DNAJC5: variants seen among roughly 807,000 people sequenced by gnomAD.
DNAJC5 encodes dnaJ homolog subfamily C member 5.
Under a neutral mutation model 23.2 loss-of-function variants are expected in DNAJC5, and 1 was observed. The ratio of observed to expected loss-of-function variants is 0.04; its 90% CI spans 0.02 to 0.20. DNAJC5 has a LOEUF of 0.20. Among genes scored for constraint, DNAJC5 ranks in the 10% least tolerant of loss-of-function variants. The pLI is 1.00. For synonymous variants in DNAJC5, 136 were observed against 120.0 expected, an observed-to-expected ratio of 1.13 and a Z score of -0.87; for missense variants, 180 against 267.0, an observed-to-expected ratio of 0.67 and a Z score of 2.27.
chr20:63,926,540 A>G (rs1019445990), intron 1 of DNAJC5, among the ~76,000 whole-genome samples: 21 of 152,360 alleles, frequency 1.4e-4, no homozygotes, highest in African/African-American at 4.8e-4. Flanking sequence ...CTCTTTCTAA[A>G]GGAGATTTGT....
chr20:63,907,030 C>G (rs1034280140), intron 1 of DNAJC5, among the ~76,000 whole-genome samples: 1 of 149,122 alleles, frequency 6.7e-6, no homozygotes, highest in African/African-American at 2.5e-5. Flanking sequence ...TCAAGGCTGC[C>G]GTGAGGTGTG....
intron 1 of DNAJC5, among the ~76,000 whole-genome samples, chr20:63,903,802 T>C (rs1013192779): frequency 1.3e-5 from 2 of 151,994 alleles, no homozygotes; most frequent in East Asian, 3.9e-4. Context: ...ATACAAAAAT[T>C]TGGGCAGGTG....
intron 1 of DNAJC5, among the ~76,000 whole-genome samples, chr20:63,925,654 C>T (rs937984538): frequency 3.7e-4 from 55 of 150,640 alleles, no homozygotes; most frequent in African/African-American, 1.3e-3. Context: ...TGGGTTTCAC[C>T]GGGAACCCGC....
chr20:63,931,443 G>T lies in DNAJC5; in HGVS notation c.494-22G>T. The T allele has an allele frequency of 6.5e-7, 1 of 1,539,624 alleles. No individual in the cohort carries two copies. The highest frequency in any genetic ancestry group is 8.7e-7 in the Non-Finnish European group (1 of 1,147,594). On this transcript the variant is annotated intron_variant, in intron 4 of 4. Coordinates refer to ENST00000360864, the MANE Select transcript of DNAJC5 (RefSeq NM_025219.3). This position sits in a 1 kb window ranked among gnomAD's most constrained non-coding sequence, Gnocchi z 9.6. ...CGCCAGGCTGTGGCCCTCGTGCAGTGCCCTGTGTGCTTGCTTTTCAGAGGC... is the reference window on the plus strand; with the variant it reads ...CGCCAGGCTGTGGCCCTCGTGCAGTTCCCTGTGTGCTTGCTTTTCAGAGGC...
chr20:63,933,551 C>T lies in DNAJC5; in HGVS notation c.*1983C>T, dbSNP rs2053692399. Reference sequence around the variant, plus strand: ...AATAATTTATCAAAATCAGACCTCTCCTAAAAGAATAAGAAATTCATTGTT... The same window carrying T: ...AATAATTTATCAAAATCAGACCTCTTCTAAAAGAATAAGAAATTCATTGTT... On this transcript the variant is annotated 3_prime_UTR_variant, in exon 5 of 5. Transcript: ENST00000360864. 6.6e-6 allele frequency: 1 copy of T among 152,316 alleles called. No individual in the cohort carries two copies. Among genetic ancestry groups the T allele is most frequent in the African/African-American group, 2.4e-5 (1 of 41,440 alleles). The allele number at this position is 152,316 out of a possible 1,614,324, so 9.4% of individuals were successfully genotyped here. A position where few individuals can be genotyped will look rare whatever the true frequency, so the allele number is the denominator to read the frequency against.
intron 1 of DNAJC5, among the ~76,000 whole-genome samples, chr20:63,916,317 GAAAT>G (rs1459273831): frequency 2.0e-5 from 3 of 152,192 alleles, no homozygotes; most frequent in African/African-American, 4.8e-5. Context: ...GGCCAGCTGA[GAAAT>G]AAAGAGAAAG....
intron 1 of DNAJC5, among the ~76,000 whole-genome samples, chr20:63,923,896 G>A (rs1187903791): frequency 6.6e-6 from 1 of 152,066 alleles, no homozygotes; most frequent in Non-Finnish European, 1.5e-5. Context: ...TTTTAAAAAT[G>A]GAGTTTTTTG....
At chr20:63,921,283 T>C (rs1193289790) in intron 1 of DNAJC5, among the ~76,000 whole-genome samples, 1 of 152,030 alleles carries the variant, frequency 6.6e-6, no homozygotes, top group East Asian at 1.9e-4. Context: ...TTAAAGATAA[T>C]GATGTCACTA....
chr20:63,905,022 C>T (rs1335181772), intron 1 of DNAJC5, among the ~76,000 whole-genome samples: 2 of 150,550 alleles, frequency 1.3e-5, no homozygotes, highest in African/African-American at 4.9e-5. Flanking sequence ...CCAGGCTGGT[C>T]TCGAACTCCT....
At position 63,929,701 on chromosome 20, in the gene DNAJC5, C is replaced by T. The variant is rs572067675; in HGVS notation, c.321+176C>T. Among the ~76,000 whole-genome samples the T allele has an allele frequency of 2.7e-5, 4 of 149,966 alleles. No homozygotes were observed. Among genetic ancestry groups the T allele is most frequent in the South Asian group, 2.1e-4 (1 of 4,748 alleles). ...GTGCGGGCACCCGAGTCACTCCTGC[C>T]GTGCGGGCGCCCGAGTCACTCCTGC... On this transcript the variant is annotated intron_variant, in intron 3 of 4. Transcript: ENST00000360864. This position sits in a 1 kb window ranked among gnomAD's most constrained non-coding sequence, Gnocchi z 8.6.
Position 63,905,677 on chromosome 20 carries a change from C to G in DNAJC5, c.-12+10354C>G, listed in dbSNP as rs1404471624. ...CTCCGCCTCCTGGGTTCAAGCAATT[C>G]TCCTGCCTCAGCCTCCCGAGTAGCT... On this transcript the variant is annotated intron_variant, in intron 1 of 4. Coordinates refer to ENST00000360864, the MANE Select transcript of DNAJC5 (RefSeq NM_025219.3). Among the ~76,000 whole-genome samples, 4 of 151,438 alleles carry G rather than the reference C, an allele frequency of 2.6e-5. No homozygotes were observed. The Admixed American group carries it at 2.6e-4, about 10-fold the overall frequency.
intron 1 of DNAJC5, among the ~76,000 whole-genome samples, chr20:63,907,317 C>T (rs1384035482): frequency 6.6e-6 from 1 of 152,146 alleles, no homozygotes; most frequent in South Asian, 2.1e-4. Flanking sequence ...ATAGGTTACT[C>T]CACCTTCCTG....
chr20:63,899,427 G>A (rs952478963), intron 1 of DNAJC5, among the ~76,000 whole-genome samples: 2 of 152,224 alleles, frequency 1.3e-5, no homozygotes, highest in African/African-American at 4.8e-5. Flanking sequence ...TTGGGTGCAT[G>A]TGTGTTAATG....
intron 1 of DNAJC5, among the ~76,000 whole-genome samples, chr20:63,909,454 G>T (rs545046460): frequency 6.6e-6 from 1 of 152,342 alleles, no homozygotes. Context: ...AGTGAGCCGA[G>T]ATGGCGCCAC....
intron 1 of DNAJC5, among the ~76,000 whole-genome samples, chr20:63,904,754 A>G (rs947262669): frequency 8.5e-5 from 13 of 152,186 alleles, no homozygotes; most frequent in African/African-American, 3.1e-4. Context: ...TATATTTTTA[A>G]AAGGCAAAGG....
In DNAJC5 at chr20:63,920,526, G is replaced by A. The variant is rs539857412; in HGVS notation, c.-11-7809G>A. Among the ~76,000 whole-genome samples, 4 of 152,342 alleles carry A rather than the reference G, an allele frequency of 2.6e-5. No individual in the cohort carries two copies. Among genetic ancestry groups the A allele is most frequent in the Non-Finnish European group, 4.4e-5 (3 of 68,014 alleles). ...GTAGGGAGGGAGGACACGGGTCCCC[G>A]CCATTTCAGAAGCTCAGCGTCCCTG... On this transcript the variant is annotated intron_variant, in intron 1 of 4. Transcript: ENST00000360864. The surrounding 1 kb of genome is among the most constrained non-coding windows in gnomAD (Gnocchi z 4.6).
intron 1 of DNAJC5, among the ~76,000 whole-genome samples, chr20:63,905,652 C>T (rs1465986545): frequency 1.3e-5 from 2 of 151,738 alleles, no homozygotes; most frequent in Non-Finnish European, 2.9e-5. Context: ...TCACTGCAAC[C>T]TCCGCCTCCT....
chr20:63,904,141 T>C (rs1019329046), intron 1 of DNAJC5, among the ~76,000 whole-genome samples: 2 of 152,288 alleles, frequency 1.3e-5, no homozygotes, highest in South Asian at 4.1e-4. Context: ...GGTTGCCGAA[T>C]ATGCATTAGC....
At position 63,931,011 on chromosome 20, in the gene DNAJC5, C is replaced by G. The variant is rs761471108; in HGVS notation, c.482C>G (p.Ser161Cys). The G allele has an allele frequency of 1.2e-6, 2 of 1,613,994 alleles. No homozygotes were observed. Among genetic ancestry groups the G allele is most frequent in the Admixed American group, 1.7e-5 (1 of 60,030 alleles). Residue 161 changes from serine (S) to cysteine (C), a missense_variant, in exon 4 of 5, where the codon TCT becomes TGT. Ser to Cys is a moderately radical substitution (Grantham distance 112). This residue lies in a region of DNAJC5 where 97 missense variants were observed against 123.4 expected (regional missense o/e 0.79). Coordinates refer to ENST00000360864, the MANE Select transcript of DNAJC5 (RefSeq NM_025219.3). This position sits in a 1 kb window ranked among gnomAD's most constrained non-coding sequence, Gnocchi z 9.6. ...GAGGATCTGGAGGCACAGCTGCAGT[C>G]TGACGAGAGGGGTGAGTGCCCGCCC... ...SPEDLEAQLQSDEREATDTPI... is the reference protein window; with the variant it reads ...SPEDLEAQLQCDEREATDTPI...
Sources: allele counts gnomAD v4.1 joint callset (sites outside exome capture counted in the v4.1 genomes callset), GRCh38; gene constraint gnomAD v4.1.1; regional missense constraint gnomAD v4.1.1; non-coding constraint Gnocchi (gnomAD v3.1); transcripts MANE v1.5; gene names NCBI Gene and HGNC (gene_info 2026-07-23, HGNC 2026-07-21).